Variants in MBNL2 observed in about 807,000 individuals in gnomAD.
MBNL2 encodes muscleblind-like protein 2.
A neutral mutation model predicts 41.9 loss-of-function variants in MBNL2; 17 were observed. The observed-to-expected ratio is 0.41, with a 90% confidence interval of 0.28 to 0.61. The LOEUF (loss-of-function observed/expected upper bound fraction) is 0.61. MBNL2 is among the 20% of genes least tolerant of loss of function. MBNL2 has a pLI of 0.35. For synonymous variants in MBNL2, 195 were observed against 182.9 expected (o/e 1.07, Z -0.53); for missense variants, 336 against 505.6 (o/e 0.66, Z 3.22).
chr13:97,306,951 G>C (rs548993318), intron 2 of MBNL2, among the ~76,000 whole-genome samples: 1 of 152,168 alleles, frequency 6.6e-6, no homozygotes, highest in Non-Finnish European at 1.5e-5. Flanking sequence ...CTCTGCCTTG[G>C]TTGGATCACT....
At chr13:97,162,573 G>A in the MBNL2 span, among the ~76,000 whole-genome samples, 8 of 152,170 alleles carry the variant, frequency 5.3e-5, no homozygotes, top group Non-Finnish European at 5.9e-5. Flanking sequence ...ATAAAAATAC[G>A]AAGAGCAGGT....
At chr13:97,249,344 G>A (rs142208698) in intron 1 of MBNL2, among the ~76,000 whole-genome samples, 5 of 152,264 alleles carry the variant, frequency 3.3e-5, no homozygotes, top group East Asian at 1.9e-4. Flanking sequence ...TGACATGTTC[G>A]CAAGCATAAA....
the MBNL2 span, among the ~76,000 whole-genome samples, chr13:97,198,549 T>C: frequency 6.6e-6 from 1 of 151,174 alleles, no homozygotes; most frequent in African/African-American, 2.4e-5. Context: ...ATACACATTA[T>C]ATTAATTCTG....
At chr13:97,301,148 T>C (rs934094679) in intron 2 of MBNL2, among the ~76,000 whole-genome samples, 1 of 152,188 alleles carries the variant, frequency 6.6e-6, no homozygotes, top group African/African-American at 2.4e-5. Context: ...TCCAGGCATA[T>C]GTGATATTTG....
the MBNL2 span, among the ~76,000 whole-genome samples, chr13:97,193,437 T>C: frequency 6.6e-6 from 1 of 151,808 alleles, no homozygotes; most frequent in Admixed American, 6.6e-5. Flanking sequence ...GAGATTAAAG[T>C]TGACAAATGG....
At chr13:97,291,297 A>G (rs1294949753) in intron 2 of MBNL2, among the ~76,000 whole-genome samples, 1 of 152,048 alleles carries the variant, frequency 6.6e-6, no homozygotes, top group Non-Finnish European at 1.5e-5. Flanking sequence ...GCTGGAGTGC[A>G]GTGGTGCAGT....
rs564175521 is a variant in MBNL2 at position 97,267,720 on chromosome 13, C to G, written c.-604-7912C>G. ...TCACAGAAGGAAGTCTTAGCTGAAA[C>G]AAATCTCTCAGGTGTTTTCTGTGAG... On this transcript the variant is annotated intron_variant, in intron 1 of 8. Coordinates refer to ENST00000679496, the MANE Select transcript of MBNL2 (RefSeq NM_001382683.1). Among the ~76,000 whole-genome samples the G allele has an allele frequency of 3.3e-4, 51 of 152,324 alleles. No individual in the cohort carries two copies. In the South Asian group the frequency reaches 9.3e-3, roughly 28 times the overall value.
intron 2 of MBNL2, among the ~76,000 whole-genome samples, chr13:97,280,740 C>T (rs1017455592): frequency 1.1e-4 from 16 of 152,224 alleles, no homozygotes; most frequent in Non-Finnish European, 1.6e-4. Flanking sequence ...CCTGAATATG[C>T]CAAGCAGGCT....
the MBNL2 span, among the ~76,000 whole-genome samples, chr13:97,146,719 C>CA: frequency 0.065 from 9,834 of 152,180 alleles, 971 homozygotes; most frequent in African/African-American, 0.21. Context: ...TACCCAAAGC[C>CA]AAAAAGCAGC....
chr13:97,311,463 T>C (rs543632426), intron 2 of MBNL2, among the ~76,000 whole-genome samples: 4 of 152,160 alleles, frequency 2.6e-5, no homozygotes, highest in Non-Finnish European at 4.4e-5. Context: ...TGTTTAATGA[T>C]GTTTACAATT....
At chr13:97,230,788 CCT>C (rs2042273546) in intron 1 of MBNL2, among the ~76,000 whole-genome samples, 1 of 152,238 alleles carries the variant, frequency 6.6e-6, no homozygotes, top group South Asian at 2.1e-4. Flanking sequence ...CATAGCTTTT[CCT>C]CTCTGGCAAG....
chr13:97,276,712 C>G (rs1167195074), intron 2 of MBNL2, among the ~76,000 whole-genome samples: 1 of 151,986 alleles, frequency 6.6e-6, no homozygotes, highest in Non-Finnish European at 1.5e-5. Context: ...ATTTTATCAA[C>G]ATTTGATCTT....
chr13:97,358,217 C>T (rs552763698), intron 7 of MBNL2, among the ~76,000 whole-genome samples: 9 of 152,104 alleles, frequency 5.9e-5, no homozygotes, highest in Non-Finnish European at 1.0e-4. Flanking sequence ...AACTATGATT[C>T]CACTAAAAGA....
intron 3 of MBNL2, among the ~76,000 whole-genome samples, chr13:97,338,799 G>GA (rs915846014): frequency 6.6e-5 from 10 of 152,292 alleles, no homozygotes; most frequent in Admixed American, 2.0e-4. Context: ...GGAGGCTTAG[G>GA]AGACGCCGTG....
At chr13:97,325,078 T>A (rs145831069) in intron 2 of MBNL2, among the ~76,000 whole-genome samples, 2 of 152,326 alleles carry the variant, frequency 1.3e-5, no homozygotes, top group East Asian at 3.9e-4. Flanking sequence ...ACACTCAATA[T>A]TAACATCACA....
the MBNL2 span, among the ~76,000 whole-genome samples, chr13:97,197,823 AT>A: frequency 6.6e-6 from 1 of 152,278 alleles, no homozygotes. Context: ...CATTCGCCTG[AT>A]TTTTATTCTT....
intron 2 of MBNL2, among the ~76,000 whole-genome samples, chr13:97,303,754 T>C (rs1470875192): frequency 1.3e-5 from 2 of 152,104 alleles, no homozygotes; most frequent in African/African-American, 4.8e-5. Context: ...CATAAACAAA[T>C]AGAAAAATAA....
intron 3 of MBNL2, among the ~76,000 whole-genome samples, chr13:97,339,259 G>T (rs1380698652): frequency 6.6e-6 from 1 of 151,070 alleles, no homozygotes; most frequent in Non-Finnish European, 1.5e-5. Context: ...TTGTGTATAT[G>T]AGTGTGTTGT....
intron 1 of MBNL2, among the ~76,000 whole-genome samples, chr13:97,242,796 T>C (rs1185205775): frequency 6.6e-6 from 1 of 151,928 alleles, no homozygotes; most frequent in Non-Finnish European, 1.5e-5. Flanking sequence ...TCCTGTACGT[T>C]GCTTGATTGA....
Sources: allele counts gnomAD v4.1 joint callset (sites outside exome capture counted in the v4.1 genomes callset), GRCh38; gene constraint gnomAD v4.1.1; transcripts MANE v1.5; gene names NCBI Gene and HGNC (gene_info 2026-07-23, HGNC 2026-07-21).